SLC22A5: variants seen among roughly 807,000 people sequenced by gnomAD.
The protein encoded by SLC22A5 is organic cation/carnitine transporter 2.
A neutral mutation model predicts 56.7 loss-of-function variants in SLC22A5; 44 were observed. That is an observed-to-expected ratio of 0.78 (90% CI 0.61 to 1.00). SLC22A5 has a LOEUF of 1.00. Among genes scored for constraint, SLC22A5 ranks in the 50% least tolerant of loss-of-function variants. The probability of loss-of-function intolerance (pLI) is 0.00; values close to 1 mark genes in which losing one functional copy is unlikely to be tolerated. For synonymous variants in SLC22A5, 278 were observed against 292.1 expected (o/e 0.95, Z 0.49); for missense variants, 675 against 723.0 (o/e 0.93, Z 0.76).
At chr5:132,388,161 A>G (rs1752594831) in intron 5 of SLC22A5, among the ~76,000 whole-genome samples, 1 of 152,154 alleles carries the variant, frequency 6.6e-6, no homozygotes, top group African/African-American at 2.4e-5. Flanking sequence ...CTTTTAAGTT[A>G]GGTGGTTTTG....
In SLC22A5 at chr5:132,392,486, G is replaced by A; in HGVS notation, c.1321G>A (p.Ala441Thr). The change falls in exon 8 of 10, where the codon GCT becomes ACT. Residue 441 changes from alanine (A) to threonine (T), a missense_variant. Coordinates refer to ENST00000245407, the MANE Select transcript of SLC22A5 (RefSeq NM_003060.4). ...GATGGTGGGCAAGTTTGGAGTCACG[G>A]CTGCCTTTTCCATGGTCTACGTGTA... ...LVMVGKFGVT[A>T]AFSMVYVYTA... is the part of the protein sequence containing the mutation. 3 of 1,614,168 alleles carry A rather than the reference G, an allele frequency of 1.9e-6. No individual in the cohort carries two copies. The highest frequency in any genetic ancestry group is 2.5e-6 in the Non-Finnish European group (3 of 1,180,010).
chr5:132,370,016 G>T lies in SLC22A5; in HGVS notation c.44G>T (p.Gly15Val), dbSNP rs751129547. Residue 15 changes from glycine to valine, a missense_variant, in exon 1 of 10, where the codon GGG becomes GTG. Gly to Val is a moderately radical substitution (Grantham distance 109, BLOSUM62 -3). Transcript: ENST00000245407. Reference protein sequence around the residue: ...DEVTAFLGEWGPFQRLIFFLL... With the variant: ...DEVTAFLGEWVPFQRLIFFLL... ...GTGACCGCCTTCCTGGGCGAGTGGG[G>T]GCCCTTCCAGCGCCTCATCTTCTTC... The T allele has an allele frequency of 1.2e-6, 2 of 1,613,304 alleles. No individual in the cohort carries two copies. The highest frequency in any genetic ancestry group is 1.7e-6 in the Non-Finnish European group (2 of 1,179,712).
In SLC22A5 at chr5:132,395,586, T is replaced by C. The variant is rs1752845566; in HGVS notation, c.*1314T>C. ...AGTGCCTTGGGAAATGAGAAAGTTT[T>C]AATAAGTAAAATGATTTTTTAAATA... On this transcript the variant is annotated 3_prime_UTR_variant, in exon 10 of 10. Transcript: ENST00000245407. The C allele has an allele frequency of 6.5e-6, 1 of 152,814 alleles. No homozygotes were observed. The highest frequency in any genetic ancestry group is 2.4e-5 in the African/African-American group (1 of 41,456). 9.5% of individuals were successfully genotyped at this position (152,814 alleles called of 1,614,324 possible). A position where few individuals can be genotyped will look rare whatever the true frequency, so the allele number is the denominator to read the frequency against.
At chr5:132,380,274 T>A (rs957808092) in intron 2 of SLC22A5, 1 of 151,898 alleles carries the variant, frequency 6.6e-6, no homozygotes, top group African/African-American at 2.4e-5. Flanking sequence ...GTGGTAGAGG[T>A]GCGGAGAGTG....
intron 1 of SLC22A5, among the ~76,000 whole-genome samples, chr5:132,371,425 A>T (rs1205934627): frequency 6.6e-6 from 1 of 151,842 alleles, no homozygotes; most frequent in East Asian, 1.9e-4. Flanking sequence ...CTCATTTCTC[A>T]TCCCCTTGGA....
At chr5:132,379,414 T>G (rs1752271353) in intron 2 of SLC22A5, 2 of 152,120 alleles carry the variant, frequency 1.3e-5, no homozygotes, top group African/African-American at 4.8e-5. Context: ...CAAGCAATCC[T>G]CCCTCCATAA....
chr5:132,394,290 G>A lies in SLC22A5; in HGVS notation c.*18G>A, dbSNP rs747472119. The A allele has an allele frequency of 6.4e-7, 1 of 1,557,072 alleles. No individual in the cohort carries two copies. On this transcript the variant is annotated 3_prime_UTR_variant, in exon 10 of 10. Coordinates refer to ENST00000245407, the MANE Select transcript of SLC22A5 (RefSeq NM_003060.4). The stretch of plus-strand genomic sequence containing the variant: ...CCTTCTAACATCGCTTCCAGTAAGG[G>A]AGAAACTGAAGAGGAAAGACTGTCT...
At chr5:132,376,139 T>C (rs1561565158) in intron 1 of SLC22A5, 1 of 152,286 alleles carries the variant, frequency 6.6e-6, no homozygotes, top group African/African-American at 2.4e-5. Flanking sequence ...TTGACAGATA[T>C]GTGGACGGAT....
chr5:132,384,371 G>T, intron 3 of SLC22A5, 70 bp downstream of exon 3: 1 of 1,485,800 alleles, frequency 6.7e-7, no homozygotes. Context: ...CTACCTTTCT[G>T]GAGACAACTG....
chr5:132,382,035 A>G (rs1174623194), intron 2 of SLC22A5: 1 of 152,148 alleles, frequency 6.6e-6, no homozygotes, highest in Non-Finnish European at 1.5e-5. Flanking sequence ...GAGTTTCTCA[A>G]CCTCGACCCT....
chr5:132,378,412 C>T lies in SLC22A5; in HGVS notation c.428C>T (p.Pro143Leu), dbSNP rs1178584184. The T allele has an allele frequency of 2.5e-6, 4 of 1,614,126 alleles. No individual in the cohort carries two copies. In the East Asian group the frequency reaches 6.7e-5, roughly 27 times the overall value. ...GTGTGTGAGGACGACTGGAAGGCCC[C>T]ACTCACAATCTCCTTGTTCTTCGTG... Reference protein sequence around the residue: ...NLVCEDDWKAPLTISLFFVGV... With the variant: ...NLVCEDDWKALLTISLFFVGV... Residue 143 changes from proline (P) to leucine (L), a missense_variant, in exon 2 of 10, where the codon CCA becomes CTA. By Grantham distance (98) the Pro-to-Leu change is moderately conservative (BLOSUM62 -3). Transcript: ENST00000245407.
Position 132,369,934 on chromosome 5 carries a change from C to A in SLC22A5, c.-39C>A, listed in dbSNP as rs1751818439. The A allele has an allele frequency of 6.2e-7, 1 of 1,608,316 alleles. No homozygotes were observed. The highest frequency in any genetic ancestry group is 1.3e-5 in the African/African-American group (1 of 74,694). On this transcript the variant is annotated 5_prime_UTR_variant, in exon 1 of 10. Coordinates refer to ENST00000245407, the MANE Select transcript of SLC22A5 (RefSeq NM_003060.4). The stretch of plus-strand genomic sequence containing the variant: ...GCACGCGCAAAGCCCGCCGCGTTCC[C>A]CGACCCCAGGCCGCGCTCTGTGGGC...
Position 132,393,802 on chromosome 5 carries a change from G to C in SLC22A5, c.1577G>C (p.Arg526Thr). ...CCAGACACCATTGACCAGATGCTAA[G>C]AGTCAAAGGGTAAGAAGACCTCCTC... ...PLPDTIDQML[R>T]VKGMKHRKTP... Residue 526 changes from arginine (R) to threonine (T), a missense_variant, in exon 9 of 10, where the codon AGA becomes ACA. By Grantham distance (71) the Arg-to-Thr change is moderately conservative (BLOSUM62 -1). Transcript: ENST00000245407. The C allele has an allele frequency of 2.5e-6, 4 of 1,614,156 alleles. No individual in the cohort carries two copies. Among genetic ancestry groups the C allele is most frequent in the Non-Finnish European group, 2.5e-6 (3 of 1,180,008 alleles).
intron 2 of SLC22A5, chr5:132,381,470 C>A (rs958592199): frequency 6.6e-6 from 1 of 152,206 alleles, no homozygotes; most frequent in African/African-American, 2.4e-5. Context: ...GGATGGACAG[C>A]TTCTGAGTGC....
At chr5:132,386,857 AG>A (rs1752549788) in intron 4 of SLC22A5, among the ~76,000 whole-genome samples, 167 bp from the exon 5 acceptor site, 1 of 152,180 alleles carries the variant, frequency 6.6e-6, no homozygotes, top group Admixed American at 6.5e-5. Flanking sequence ...CATCCACCCC[AG>A]GTTATTGCTG....
chr5:132,386,699 G>A (rs539220681), intron 4 of SLC22A5, among the ~76,000 whole-genome samples: 29 of 152,328 alleles, frequency 1.9e-4, no homozygotes, highest in African/African-American at 6.7e-4. Flanking sequence ...CAGAAGCCAG[G>A]CTTCCGGAGC....
intron 1 of SLC22A5, among the ~76,000 whole-genome samples, chr5:132,375,031 G>A (rs1396885497): frequency 1.3e-5 from 2 of 152,188 alleles, no homozygotes; most frequent in African/African-American, 4.8e-5. Flanking sequence ...TCCAGCCTGG[G>A]AGACAGAGCA....
intron 2 of SLC22A5, 89 bp from the exon 3 acceptor site, chr5:132,384,058 G>A (rs1035140860): frequency 7.6e-7 from 1 of 1,323,028 alleles, no homozygotes; most frequent in African/African-American, 1.4e-5. Flanking sequence ...CCCACTTACT[G>A]GATGGATCTT....
intron 1 of SLC22A5, among the ~76,000 whole-genome samples, chr5:132,374,758 CA>C (rs34965096): frequency 0.038 from 5,303 of 138,038 alleles, 269 homozygotes; most frequent in African/African-American, 0.13. Context: ...GTCAGGGAGC[CA>C]AAAAAAAAAA....
Sources: gnomAD v4.1 joint callset for allele counts (sites outside exome capture counted in the v4.1 genomes callset) on GRCh38, gnomAD v4.1.1 for gene constraint, MANE v1.5 for transcripts, NCBI Gene and HGNC (gene_info 2026-07-23, HGNC 2026-07-21) for gene names.